The following TMPRSS2 variants were observed in gnomAD, a reference collection of about 807,000 sequenced individuals.
TMPRSS2 encodes transmembrane serine protease 2, also known as transmembrane protease serine 2.
TMPRSS2 carries 59 observed loss-of-function variants against 67.4 expected under a neutral mutation model. The ratio of observed to expected loss-of-function variants is 0.88; its 90% CI spans 0.71 to 1.09. The LOEUF (loss-of-function observed/expected upper bound fraction) is 1.09. TMPRSS2 is among the 50% of genes least tolerant of loss of function. The probability of loss-of-function intolerance (pLI) is 0.00; values close to 1 mark genes in which losing one functional copy is unlikely to be tolerated. For missense variants in TMPRSS2, 668 were observed against 642.7 expected, an observed-to-expected ratio of 1.04 and a Z score of -0.43; for synonymous variants, 257 against 257.0, an observed-to-expected ratio of 1.00 and a Z score of 0.00.
At chr21:41,483,397 A>T (rs185114529) in intron 5 of TMPRSS2, among the ~76,000 whole-genome samples, 68 of 151,486 alleles carry the variant, frequency 4.5e-4, no homozygotes, top group African/African-American at 1.5e-3. Context: ...GATTCTCCTG[A>T]CTCAGCCTCA....
At chr21:41,490,073 A>G (rs918360768) in intron 3 of TMPRSS2, among the ~76,000 whole-genome samples, 2 of 150,576 alleles carry the variant, frequency 1.3e-5, no homozygotes, top group Non-Finnish European at 3.0e-5. Flanking sequence ...ACTTGAACCC[A>G]GGAGGCAGAG....
At chr21:41,504,760 T>G (rs2091446345) in intron 1 of TMPRSS2, among the ~76,000 whole-genome samples, 1 of 152,086 alleles carries the variant, frequency 6.6e-6, no homozygotes, top group South Asian at 2.1e-4. Flanking sequence ...CCCTGGTGCT[T>G]GCAAGTCAGG....
intron 5 of TMPRSS2, among the ~76,000 whole-genome samples, chr21:41,481,561 T>C (rs919600371): frequency 6.6e-6 from 1 of 152,218 alleles, no homozygotes; most frequent in Non-Finnish European, 1.5e-5. Context: ...ACTGTGGTGA[T>C]AGTTGCACAT....
chr21:41,468,794 A>G, intron 11 of TMPRSS2: 1 of 462,648 alleles, frequency 2.2e-6, no homozygotes, highest in Non-Finnish European at 3.9e-6. Context: ...CTCTGAAACT[A>G]TAGGGCTCTA....
intron 5 of TMPRSS2, among the ~76,000 whole-genome samples, chr21:41,481,857 G>A (rs376970639): frequency 1.1e-4 from 16 of 152,196 alleles, no homozygotes; most frequent in East Asian, 3.9e-4. Context: ...GAGGTCAGGC[G>A]TTTGAGATCA....
chr21:41,504,999 AG>A (rs1460440412), intron 1 of TMPRSS2, among the ~76,000 whole-genome samples: 1 of 152,106 alleles, frequency 6.6e-6, no homozygotes, highest in Admixed American at 6.5e-5. Flanking sequence ...GCAGAGCAGG[AG>A]GGACCAGAGA....
intron 5 of TMPRSS2, 85 bp downstream of exon 5, chr21:41,488,309 G>T: frequency 6.6e-7 from 1 of 1,520,404 alleles, no homozygotes; most frequent in South Asian, 1.2e-5. Context: ...CGCACGCCAG[G>T]CCCAGTCACC....
At chr21:41,506,155 C>A (rs1569030769) in intron 1 of TMPRSS2, among the ~76,000 whole-genome samples, 1 of 152,228 alleles carries the variant, frequency 6.6e-6, no homozygotes, top group Non-Finnish European at 1.5e-5. Flanking sequence ...GGCAGGCCAG[C>A]ACCTAGCAAC....
At chr21:41,500,477 C>A (rs531754656) in intron 1 of TMPRSS2, among the ~76,000 whole-genome samples, 2 of 152,334 alleles carry the variant, frequency 1.3e-5, no homozygotes, top group African/African-American at 4.8e-5. Flanking sequence ...TTTCCTGTGT[C>A]CTAAGCAGAA....
At position 41,488,482 on chromosome 21, in the gene TMPRSS2, C is replaced by G. The variant is rs781764624; in HGVS notation, c.357G>C (p.Glu119Asp). Residue 119 changes from glutamate to aspartate, a missense_variant, in exon 5 of 14, where the codon GAG becomes GAC. By Grantham distance (45) the Glu-to-Asp change is conservative (BLOSUM62 2). Transcript: ENST00000332149. ...TGATGCAGGTACCTGAGGAGTCGCA[C>G]TCTATCCCAGAGTTGGAGCACTTGC... Reference protein sequence around the residue: ...MGSKCSNSGIECDSSGTCINP... With the variant: ...MGSKCSNSGIDCDSSGTCINP... The G allele has an allele frequency of 3.7e-6, 6 of 1,613,710 alleles. No homozygotes were observed. The African/African-American group carries it at 6.7e-5, about 18-fold the overall frequency.
At position 41,473,449 on chromosome 21, in the gene TMPRSS2, C is replaced by G; in HGVS notation, c.775G>C (p.Gly259Arg). 1.2e-6 allele frequency: 2 copies of G among 1,609,984 alleles called. No individual in the cohort carries two copies. The highest frequency in any genetic ancestry group is 1.7e-6 in the Non-Finnish European group (2 of 1,178,928). The change falls in exon 9 of 14, where the codon GGC (glycine) becomes CGC (arginine). Residue 259 changes from glycine (G) to arginine (R), a missense_variant. By Grantham distance (125) the Gly-to-Arg change is moderately radical (BLOSUM62 -2). Transcript: ENST00000332149. ...CAGGCCCCCGGGAGCGCGCTCTCGC[C>G]GCCCACAATCCTGCTCTGGCGGCTT... ...NSSRQSRIVG[G>R]ESALPGAWPW...
At position 41,473,381 on chromosome 21, in the gene TMPRSS2, G is replaced by A. The variant is rs781464241; in HGVS notation, c.843C>T (p.Cys281=). 4.7e-5 allele frequency: 76 copies of A among 1,609,734 alleles called. No homozygotes were observed. Among genetic ancestry groups the A allele is most frequent in the African/African-American group, 1.2e-4 (9 of 74,868 alleles). ...ACTCGGGGGTGATGATGGAGCCTCC[G>A]CACACGTGGACGTTCTGGACGTGCA... The part of the protein sequence containing the change: ...VSLHVQNVHV[C]GGSIITPEWI... The change falls in exon 9 of 14, where the codon TGC becomes TGT. Residue 281 remains cysteine, a synonymous_variant. Coordinates refer to ENST00000332149, the MANE Select transcript of TMPRSS2 (RefSeq NM_005656.4).
chr21:41,500,283 G>A (rs1418616903), intron 1 of TMPRSS2, among the ~76,000 whole-genome samples: 1 of 152,230 alleles, frequency 6.6e-6, no homozygotes, highest in Non-Finnish European at 1.5e-5. Flanking sequence ...AGCATAAAAT[G>A]AGTGCTATAT....
At chr21:41,473,572 A>C in intron 8 of TMPRSS2, 76 bp from the exon 9 acceptor site, 5 of 1,462,414 alleles carry the variant, frequency 3.4e-6, no homozygotes, top group Non-Finnish European at 4.6e-6. Flanking sequence ...CGCCCCTCCC[A>C]AGGGTCTCCC....
chr21:41,493,436 A>C (rs569432639), intron 3 of TMPRSS2, among the ~76,000 whole-genome samples: 1 of 152,320 alleles, frequency 6.6e-6, no homozygotes, highest in African/African-American at 2.4e-5. Context: ...GGGGACAGAC[A>C]GGGCTTCACA....
intron 5 of TMPRSS2, chr21:41,487,353 A>T (rs1350660310): frequency 4.4e-5 from 1 of 22,664 alleles, no homozygotes; most frequent in Non-Finnish European, 1.9e-4. Flanking sequence ...TCACAGAAGC[A>T]GAGAGTAGAA....
Position 41,477,236 on chromosome 21 carries a change from C to T in TMPRSS2, c.684-616G>A, listed in dbSNP as rs150633108. On this transcript the variant is annotated intron_variant, in intron 7 of 13. Transcript: ENST00000332149. The stretch of plus-strand genomic sequence containing the variant: ...AGCTGGGCCGTGTGCTCTGCGGAAC[C>T]TGAATTATTTCACTGAGCGTCAATA... 3.6e-3 allele frequency among the ~76,000 whole-genome samples: 547 copies of T among 152,290 alleles called. 3 individuals are homozygous for T. The South Asian group carries it at 0.041, about 11-fold the overall frequency.
At chr21:41,482,952 G>A (rs892451770) in intron 5 of TMPRSS2, among the ~76,000 whole-genome samples, 1 of 152,234 alleles carries the variant, frequency 6.6e-6, no homozygotes, top group African/African-American at 2.4e-5. Flanking sequence ...GGTGAGTGGG[G>A]AGAGAGAAAC....
chr21:41,482,448 C>T (rs1569018534), intron 5 of TMPRSS2, among the ~76,000 whole-genome samples: 2 of 152,198 alleles, frequency 1.3e-5, no homozygotes, highest in Non-Finnish European at 2.9e-5. Flanking sequence ...TCAAGTATCA[C>T]GTTATTCATG....
Sources: allele counts gnomAD v4.1 joint callset (sites outside exome capture counted in the v4.1 genomes callset), GRCh38; gene constraint gnomAD v4.1.1; transcripts MANE v1.5; gene names NCBI Gene and HGNC (gene_info 2026-07-23, HGNC 2026-07-21).